The following DLGAP2 variants were observed in gnomAD, a reference collection of about 807,000 sequenced individuals.
DLGAP2 encodes disks large-associated protein 2.
DLGAP2 carries 26 observed loss-of-function variants against 100.3 expected under a neutral mutation model. That is an observed-to-expected ratio of 0.26 (90% confidence interval 0.19 to 0.36). The LOEUF (loss-of-function observed/expected upper bound fraction) is 0.36, where lower values mean the gene tolerates loss of function less well. DLGAP2 is among the 10% of genes least tolerant of loss of function. DLGAP2 has a pLI of 1.00. For missense variants in DLGAP2, 1,858 were observed against 1,453.2 expected, an observed-to-expected ratio of 1.28 and a Z score of -4.53; for synonymous variants, 886 against 630.1, an observed-to-expected ratio of 1.41 and a Z score of -6.08.
intron 2 of DLGAP2, among the ~76,000 whole-genome samples, chr8:1,136,528 A>G (rs907634530): frequency 6.6e-6 from 1 of 152,242 alleles, no homozygotes; most frequent in African/African-American, 2.4e-5. Flanking sequence ...GCCACGGCAG[A>G]CAACGTGGCT....
intron 2 of DLGAP2, among the ~76,000 whole-genome samples, chr8:1,010,700 A>G (rs920004675): frequency 2.6e-5 from 4 of 152,198 alleles, no homozygotes; most frequent in Admixed American, 2.6e-4. Flanking sequence ...ACCTAAGAAT[A>G]ATTTCCTCTC....
Position 1,241,026 on chromosome 8 carries a change from T to C in DLGAP2, c.74-17825T>C, listed in dbSNP as rs76611600. Among the ~76,000 whole-genome samples the C allele has an allele frequency of 8.3e-4, 5 of 6,056 alleles. 1 individual carries two copies. Among genetic ancestry groups the C allele is most frequent in the African/African-American group, 2.0e-3 (2 of 996 alleles). The allele number at this position is 6,056 out of a possible 152,430, so 4.0% of individuals were successfully genotyped here. A position where few individuals can be genotyped will look rare whatever the true frequency, so the allele number is the denominator to read the frequency against. On this transcript the variant is annotated intron_variant, in intron 2 of 14. Coordinates refer to ENST00000637795, the MANE Select transcript of DLGAP2 (RefSeq NM_001346810.2). ...TAGTTCTCTCTCACACATAGCGTCA[T>C]GTATAGTTCTGTCTCACACAGAGCA...
intron 1 of DLGAP2, among the ~76,000 whole-genome samples, chr8:814,928 A>G (rs1031960278): frequency 4.6e-5 from 7 of 152,016 alleles, no homozygotes; most frequent in African/African-American, 1.7e-4. Context: ...ATATTTATAG[A>G]TCAGATATAT....
intron 3 of DLGAP2, among the ~76,000 whole-genome samples, chr8:1,389,852 G>A (rs1006204621): frequency 6.6e-6 from 1 of 152,068 alleles, no homozygotes; most frequent in East Asian, 1.9e-4. Flanking sequence ...ACCCAGATCT[G>A]CCTTTTCATG....
intron 7 of DLGAP2, among the ~76,000 whole-genome samples, chr8:1,630,995 AGGGTCTCGGCGGGAGGTCCGG>A (rs1797630233): frequency 7.0e-6 from 1 of 142,270 alleles, no homozygotes; most frequent in African/African-American, 2.6e-5. Context: ...GGGTGTCCCG[AGGGTCTCGGCGGGAGGTCCGG>A]GTGTCCCGAG....
At chr8:1,477,062 C>T (rs998927224) in intron 3 of DLGAP2, among the ~76,000 whole-genome samples, 1 of 152,268 alleles carries the variant, frequency 6.6e-6, no homozygotes, top group African/African-American at 2.4e-5. Flanking sequence ...AAGCCTCCAC[C>T]GCAGACACAA....
intron 3 of DLGAP2, among the ~76,000 whole-genome samples, chr8:1,285,209 C>T (rs1421689954): frequency 3.3e-5 from 5 of 152,128 alleles, no homozygotes; most frequent in African/African-American, 4.8e-5. Context: ...TGGCTCCCAT[C>T]GTGGACTGAG....
intron 3 of DLGAP2, among the ~76,000 whole-genome samples, chr8:1,426,744 C>G (rs960983385): frequency 3.9e-5 from 6 of 152,128 alleles, no homozygotes; most frequent in Non-Finnish European, 7.4e-5. Flanking sequence ...AGAAGATGGT[C>G]AAATTATGGC....
intron 6 of DLGAP2, among the ~76,000 whole-genome samples, chr8:1,581,706 C>A (rs1448458455): frequency 6.6e-6 from 1 of 151,658 alleles, no homozygotes; most frequent in African/African-American, 2.4e-5. Flanking sequence ...ACACCGCAGT[C>A]AAACTACCAG....
rs538697672 is a variant in DLGAP2, at chr8:1,562,456, G to A, written c.1231-3227G>A. On this transcript the variant is annotated intron_variant, in intron 5 of 14. Transcript: ENST00000637795. Reference sequence around the variant, plus strand: ...TCGGGTGTCCGCGCCTCGTTGCTGCGGGACTGTGTGTTGTTGGGGTGTCGG... The same window carrying A: ...TCGGGTGTCCGCGCCTCGTTGCTGCAGGACTGTGTGTTGTTGGGGTGTCGG... Among the ~76,000 whole-genome samples the A allele has an allele frequency of 6.9e-5, 4 of 57,734 alleles. 2 individuals are homozygous for A. Among genetic ancestry groups the A allele is most frequent in the Admixed American group, 4.4e-4 (2 of 4,540 alleles). 37.9% of individuals were successfully genotyped at this position (57,734 alleles called of 152,430 possible). A position where few individuals can be genotyped will look rare whatever the true frequency, so the allele number is the denominator to read the frequency against.
At chr8:1,082,024 A>G (rs1399702369) in intron 2 of DLGAP2, among the ~76,000 whole-genome samples, 2 of 152,168 alleles carry the variant, frequency 1.3e-5, no homozygotes, top group Non-Finnish European at 2.9e-5. Context: ...CTGTTCTGAA[A>G]ATGGCAGAGC....
chr8:1,393,147 T>C (rs111909949), intron 3 of DLGAP2, among the ~76,000 whole-genome samples: 17 of 8,050 alleles, frequency 2.1e-3, no homozygotes, highest in South Asian at 6.0e-3. Flanking sequence ...GCTTACTGAG[T>C]GCCACCTCCT....
intron 1 of DLGAP2, among the ~76,000 whole-genome samples, chr8:903,321 C>G (rs1399689799): frequency 6.6e-6 from 1 of 152,080 alleles, no homozygotes; most frequent in Non-Finnish European, 1.5e-5. Context: ...CCCACTGGTT[C>G]AAACATCAGT....
At chr8:1,185,727 T>TCACA (rs1214429290) in intron 2 of DLGAP2, among the ~76,000 whole-genome samples, 1 of 43,714 alleles carries the variant, frequency 2.3e-5, no homozygotes, top group African/African-American at 1.2e-4. Flanking sequence ...ACACACACAC[T>TCACA]CACACTCACA....
chr8:863,837 T>C (rs1348656122), intron 1 of DLGAP2, among the ~76,000 whole-genome samples: 1 of 152,182 alleles, frequency 6.6e-6, no homozygotes, highest in Non-Finnish European at 1.5e-5. Context: ...AATGCTGTGA[T>C]CCAGCAATCC....
chr8:842,942 G>A (rs986148940), intron 1 of DLGAP2, among the ~76,000 whole-genome samples: 2 of 152,144 alleles, frequency 1.3e-5, no homozygotes, highest in Non-Finnish European at 2.9e-5. Flanking sequence ...GTGTCTTCCA[G>A]CTTGTTTTAC....
intron 2 of DLGAP2, among the ~76,000 whole-genome samples, chr8:1,050,010 A>G (rs1802630413): frequency 6.6e-6 from 1 of 152,264 alleles, no homozygotes; most frequent in African/African-American, 2.4e-5. Context: ...GCACATGCAT[A>G]TGTACACACA....
At chr8:869,182 A>G (rs1222139704) in intron 1 of DLGAP2, among the ~76,000 whole-genome samples, 1 of 151,884 alleles carries the variant, frequency 6.6e-6, no homozygotes, top group African/African-American at 2.4e-5. Flanking sequence ...GAGTCAGTTC[A>G]TTTGTTTTCC....
chr8:1,435,127 C>G lies in DLGAP2; in HGVS notation c.107-66239C>G, dbSNP rs573580322. On this transcript the variant is annotated intron_variant, in intron 3 of 14. Coordinates refer to ENST00000637795, the MANE Select transcript of DLGAP2 (RefSeq NM_001346810.2). ...CCAACCTACTCGGGCCTACTGTGTC[C>G]TCTTGTATTTTGTGAACAAGCACAG... Among the ~76,000 whole-genome samples the G allele has an allele frequency of 4.5e-3, 683 of 152,330 alleles. 6 individuals are homozygous for G. Among genetic ancestry groups the G allele is most frequent in the African/African-American group, 0.015 (641 of 41,574 alleles).
Sources: allele counts gnomAD v4.1 joint callset (sites outside exome capture counted in the v4.1 genomes callset), GRCh38; gene constraint gnomAD v4.1.1; transcripts MANE v1.5; gene names NCBI Gene and HGNC (gene_info 2026-07-23, HGNC 2026-07-21).